PRCP: variants seen among roughly 807,000 people sequenced by gnomAD.
PRCP encodes the protein prolylcarboxypeptidase, also known as lysosomal Pro-X carboxypeptidase.
PRCP carries 46 observed loss-of-function variants against 54.2 expected under a neutral mutation model. The ratio of observed to expected loss-of-function variants is 0.85; its 90% CI spans 0.67 to 1.09. PRCP has a LOEUF of 1.09. Among genes scored for constraint, PRCP ranks in the 50% least tolerant of loss-of-function variants. PRCP has a pLI of 0.00. For missense variants in PRCP, 613 were observed against 596.8 expected (o/e 1.03, Z -0.28); for synonymous variants, 240 against 212.2 (o/e 1.13, Z -1.14).
chr11:82,825,108 T>C lies in PRCP; in HGVS notation c.1289A>G (p.Asp430Gly). Residue 430 changes from aspartate (D) to glycine (G), a missense_variant, in exon 9 of 9, where the codon GAC becomes GGC. Transcript: ENST00000313010. Reference sequence around the variant, plus strand: ...AGTTACTCCACCTCCTGACCAGGGGTCTAGTTCACCATTGCTGCAAGTGAA... The same window carrying C: ...AGTTACTCCACCTCCTGACCAGGGGCCTAGTTCACCATTGCTGCAAGTGAA... The part of the protein sequence containing the change: ...TNIVFSNGEL[D>G]PWSGGGVTKD... The C allele has an allele frequency of 3.7e-6, 6 of 1,613,558 alleles. No individual in the cohort carries two copies. The highest frequency in any genetic ancestry group is 3.4e-6 in the Non-Finnish European group (4 of 1,179,808).
rs1198414868 is a variant in PRCP at position 82,838,568 on chromosome 11, T to TAGAA, written c.1092_1093insTTCT (p.Thr365PhefsTer11). 6.2e-7 allele frequency: 1 copy of TAGAA among 1,611,882 alleles called. No homozygotes were observed. Among genetic ancestry groups the TAGAA allele is most frequent in the East Asian group, 2.2e-5 (1 of 44,840 alleles). On this transcript the variant is annotated frameshift_variant, in exon 8 of 9. Coordinates refer to ENST00000313010, the MANE Select transcript of PRCP (RefSeq NM_005040.4). LOFTEE classifies it high-confidence loss of function. ...GTACAAAAGGGCATGACTACTTCTG[T>TAGAA]GCAGGCCTAAGAAGCAAACCAAGAG... is the stretch of plus-strand genomic sequence containing the variant.
In PRCP at chr11:82,855,650, T is replaced by C. The variant is rs190178661; in HGVS notation, c.310-2372A>G. Among the ~76,000 whole-genome samples, 288 of 151,464 alleles carry C rather than the reference T, an allele frequency of 1.9e-3. 3 individuals are homozygous for C. Among genetic ancestry groups the C allele is most frequent in the African/African-American group, 6.6e-3 (273 of 41,276 alleles). On this transcript the variant is annotated intron_variant, in intron 2 of 8. Transcript: ENST00000313010. ...AATAACAATAAAATAAATAAGTAAA[T>C]AAATTTACAAGAAAAAACAACCCCA...
intron 1 of PRCP, among the ~76,000 whole-genome samples, chr11:82,886,723 T>G (rs1022385261): frequency 6.6e-6 from 1 of 152,218 alleles, no homozygotes; most frequent in Non-Finnish European, 1.5e-5. Context: ...AGCTGTGCAA[T>G]CATGCATAAA....
intron 1 of PRCP, among the ~76,000 whole-genome samples, chr11:82,880,139 A>G (rs968197351): frequency 1.3e-5 from 2 of 152,212 alleles, no homozygotes; most frequent in Non-Finnish European, 2.9e-5. Context: ...CCAGAGGTGG[A>G]GTCTACAGAG....
chr11:82,889,292 A>C (rs1469750483), intron 1 of PRCP, among the ~76,000 whole-genome samples: 5 of 151,996 alleles, frequency 3.3e-5, no homozygotes, highest in African/African-American at 9.7e-5. Flanking sequence ...CGGGAGTTTG[A>C]GGCCAAGTCT....
intron 1 of PRCP, among the ~76,000 whole-genome samples, chr11:82,879,226 T>G (rs1859685445): frequency 6.6e-6 from 1 of 152,218 alleles, no homozygotes. Context: ...AAGGCTTTGT[T>G]TGTTTCTTTT....
chr11:82,840,797 AC>A (rs1041808538), intron 6 of PRCP: 1 of 151,800 alleles, frequency 6.6e-6, no homozygotes, highest in Non-Finnish European at 1.5e-5. Context: ...GAAAAAAAAA[AC>A]CTGATTCTTA....
At chr11:82,880,391 A>T (rs1331869334) in intron 1 of PRCP, among the ~76,000 whole-genome samples, 5 of 152,196 alleles carry the variant, frequency 3.3e-5, no homozygotes, top group Non-Finnish European at 7.3e-5. Flanking sequence ...CCATTGGAAA[A>T]GCACAGTATT....
chr11:82,854,417 G>A (rs1859031121), intron 2 of PRCP, among the ~76,000 whole-genome samples: 2 of 151,960 alleles, frequency 1.3e-5, no homozygotes, highest in Admixed American at 6.6e-5. Flanking sequence ...GCCACAAAAA[G>A]AATGAAATAT....
At chr11:82,869,792 G>C (rs754346727) in intron 1 of PRCP, among the ~76,000 whole-genome samples, 1 of 152,222 alleles carries the variant, frequency 6.6e-6, no homozygotes, top group Non-Finnish European at 1.5e-5. Flanking sequence ...TTTATTGGGT[G>C]GGTCTGTTCC....
rs540838567 is a variant in PRCP, at chr11:82,898,882, C to G, written c.168+1353G>C. ...TCTTGGCTGGGGACACAGTGGCACA[C>G]GCCTGCAATCCCAGCCCTTTGGGAG... On this transcript the variant is annotated intron_variant, in intron 1 of 8. Transcript: ENST00000313010. Among the ~76,000 whole-genome samples, 43 of 152,352 alleles carry G rather than the reference C, an allele frequency of 2.8e-4. 1 individual carries two copies. In the Middle Eastern group the frequency reaches 0.014, roughly 48 times the overall value.
intron 1 of PRCP, among the ~76,000 whole-genome samples, chr11:82,863,109 C>T (rs1228778329): frequency 1.3e-5 from 2 of 152,178 alleles, no homozygotes; most frequent in Non-Finnish European, 2.9e-5. Flanking sequence ...ATGCAATCCC[C>T]TTGGCTGAAT....
intron 1 of PRCP, among the ~76,000 whole-genome samples, chr11:82,861,584 A>G (rs1859208818): frequency 6.6e-6 from 1 of 152,162 alleles, no homozygotes; most frequent in South Asian, 2.1e-4. Flanking sequence ...CATATCACCT[A>G]TGACGTATTC....
At chr11:82,859,954 G>C in intron 2 of PRCP, 23 bp downstream of exon 2, 1 of 1,533,260 alleles carries the variant, frequency 6.5e-7, no homozygotes, top group Non-Finnish European at 8.8e-7. Flanking sequence ...TTGAGCACTG[G>C]AATTTCATGA....
At chr11:82,855,795 A>G (rs533539322) in intron 2 of PRCP, among the ~76,000 whole-genome samples, 1 of 152,208 alleles carries the variant, frequency 6.6e-6, no homozygotes, top group African/African-American at 2.4e-5. Context: ...GAAAACCACA[A>G]TGAGATACCA....
chr11:82,827,294 T>C (rs769082251), intron 8 of PRCP: 1 of 152,214 alleles, frequency 6.6e-6, no homozygotes, highest in African/African-American at 2.4e-5. Context: ...TTTTTTCTCA[T>C]TGTTTATGTT....
At chr11:82,859,568 G>T (rs1482408149) in intron 2 of PRCP, among the ~76,000 whole-genome samples, 1 of 151,954 alleles carries the variant, frequency 6.6e-6, no homozygotes, top group African/African-American at 2.4e-5. Context: ...TCCCTTATAT[G>T]CTTGTTCACT....
chr11:82,829,542 T>C (rs1858326517), intron 8 of PRCP: 1 of 152,216 alleles, frequency 6.6e-6, no homozygotes, highest in Non-Finnish European at 1.5e-5. Flanking sequence ...ATTTCAACTG[T>C]TTTCCCTCCC....
At position 82,873,565 on chromosome 11, in the gene PRCP, G is replaced by A. The variant is rs688799; in HGVS notation, c.169-13448C>T. ...AATTGTTCTCAAATGTTTAGGTCCC[G>A]TTCCACCCTGGTGAGATAAAAGACA... On this transcript the variant is annotated intron_variant, in intron 1 of 8. Coordinates refer to ENST00000313010, the MANE Select transcript of PRCP (RefSeq NM_005040.4). Among the ~76,000 whole-genome samples, 65 of 152,246 alleles carry A rather than the reference G, an allele frequency of 4.3e-4. 1 individual carries two copies. The highest frequency in any genetic ancestry group is 5.8e-4 in the East Asian group (3 of 5,182).
Sources: allele counts gnomAD v4.1 joint callset (sites outside exome capture counted in the v4.1 genomes callset), GRCh38; gene constraint gnomAD v4.1.1; transcripts MANE v1.5; gene names NCBI Gene and HGNC (gene_info 2026-07-23, HGNC 2026-07-21).